The following FOCAD variants were observed in gnomAD, a reference collection of about 807,000 sequenced individuals.
The protein encoded by FOCAD is KIAA1797.
A neutral mutation model predicts 225.6 loss-of-function variants in FOCAD; 198 were observed. The ratio of observed to expected loss-of-function variants is 0.88; its 90% CI spans 0.78 to 0.99. FOCAD has a LOEUF of 0.99. Among genes scored for constraint, FOCAD ranks in the 50% least tolerant of loss-of-function variants. FOCAD has a pLI of 0.00. For missense variants in FOCAD, 2,713 were observed against 2,123.6 expected (o/e 1.28, Z -5.46); for synonymous variants, 897 against 755.0 (o/e 1.19, Z -3.08).
At chr9:20,797,087 T>G (rs1821199199) in intron 11 of FOCAD, among the ~76,000 whole-genome samples, 1 of 152,190 alleles carries the variant, frequency 6.6e-6, no homozygotes, top group African/African-American at 2.4e-5. Flanking sequence ...TTAACCCATT[T>G]CTTGTTTTTT....
chr9:20,788,731 G>A (rs1820206132), intron 10 of FOCAD, among the ~76,000 whole-genome samples: 1 of 152,134 alleles, frequency 6.6e-6, no homozygotes. Flanking sequence ...CGACTGCACT[G>A]CTTTATTTCT....
intron 11 of FOCAD, among the ~76,000 whole-genome samples, chr9:20,796,632 CAT>C (rs1821141051): frequency 6.6e-6 from 1 of 152,178 alleles, no homozygotes; most frequent in Admixed American, 6.5e-5. Flanking sequence ...AGTGTCTGTT[CAT>C]ATCCTTTGCC....
intron 35 of FOCAD, among the ~76,000 whole-genome samples, chr9:20,960,115 C>G (rs1773487100): frequency 6.6e-6 from 1 of 152,168 alleles, no homozygotes; most frequent in Non-Finnish European, 1.5e-5. Flanking sequence ...TTATTGGTCT[C>G]TTTGGTCTCC....
chr9:20,734,984 GAAA>G (rs1205364108), intron 4 of FOCAD, among the ~76,000 whole-genome samples: 1 of 152,120 alleles, frequency 6.6e-6, no homozygotes, highest in Non-Finnish European at 1.5e-5. Flanking sequence ...GAATTTATGG[GAAA>G]AGGGGTATAA....
intron 28 of FOCAD, among the ~76,000 whole-genome samples, chr9:20,935,131 A>G (rs577452989): frequency 6.6e-6 from 1 of 152,346 alleles, no homozygotes; most frequent in South Asian, 2.1e-4. Context: ...CTTAAAATTC[A>G]TATGGAGAAA....
intron 35 of FOCAD, among the ~76,000 whole-genome samples, chr9:20,956,055 G>A (rs145502289): frequency 0.011 from 1,636 of 152,276 alleles, 16 homozygotes; most frequent in Middle Eastern, 0.031. Flanking sequence ...CCACGTAATA[G>A]TCATTATGAA....
chr9:20,836,423 GA>G (rs1460405094), intron 15 of FOCAD, among the ~76,000 whole-genome samples: 2 of 152,028 alleles, frequency 1.3e-5, no homozygotes, highest in East Asian at 3.9e-4. Flanking sequence ...TAACCTTGCA[GA>G]AGAGTTTATT....
chr9:20,670,519 G>T (rs940313237), intron 2 of FOCAD, among the ~76,000 whole-genome samples: 7 of 152,136 alleles, frequency 4.6e-5, no homozygotes. Flanking sequence ...ATAGAGAAAG[G>T]GAGGGAGTGT....
At position 20,953,011 on chromosome 9, in the gene FOCAD, G is replaced by C; in HGVS notation, c.4078G>C (p.Glu1360Gln). 6.2e-7 allele frequency: 1 copy of C among 1,613,624 alleles called. No homozygotes were observed. Among genetic ancestry groups the C allele is most frequent in the East Asian group, 2.2e-5 (1 of 44,846 alleles). ...TCCTACTGACTATAGCTACTTGCCTGAAAGCAGTTTTATTGGAGCAGCTAT... is the reference window on the plus strand; with the variant it reads ...TCCTACTGACTATAGCTACTTGCCTCAAAGCAGTTTTATTGGAGCAGCTAT... Reference protein sequence around the residue: ...SVPTDYSYLPESSFIGAAIGF... With the variant: ...SVPTDYSYLPQSSFIGAAIGF... Residue 1360 changes from glutamate to glutamine, a missense_variant, in exon 35 of 44, where the codon GAA (glutamate) becomes CAA (glutamine). Transcript: ENST00000338382.
At chr9:20,848,408 T>C (rs967694320) in intron 15 of FOCAD, among the ~76,000 whole-genome samples, 3 of 152,030 alleles carry the variant, frequency 2.0e-5, no homozygotes, top group African/African-American at 7.2e-5. Context: ...GTAGTTTCTT[T>C]ATGGCCAGTT....
chr9:20,981,169 G>T lies in FOCAD; in HGVS notation c.4378-257G>T, dbSNP rs562884902. ...CTTGAAAACATCCAAGGTTTAAGCT[G>T]AGTAGTTCACAGATGGGTTGGCAGA... On this transcript the variant is annotated intron_variant, in intron 37 of 43. Coordinates refer to ENST00000338382, the MANE Select transcript of FOCAD (RefSeq NM_001375567.1). Among the ~76,000 whole-genome samples the T allele has an allele frequency of 5.9e-5, 9 of 152,288 alleles. No individual in the cohort carries two copies. In the South Asian group the frequency reaches 1.9e-3, roughly 32 times the overall value.
rs189485684 is a variant in FOCAD, at chr9:20,794,053, C to G, written c.1455+4445C>G. On this transcript the variant is annotated intron_variant, in intron 11 of 43. Coordinates refer to ENST00000338382, the MANE Select transcript of FOCAD (RefSeq NM_001375567.1). ...CAAAGGCCAGTCTTATTTGAGGAAA[C>G]ATTTATTTATGTCTCTTGAATTAAA... 9.2e-5 allele frequency among the ~76,000 whole-genome samples: 14 copies of G among 152,264 alleles called. No homozygotes were observed. The East Asian group carries it at 2.5e-3, about 27-fold the overall frequency.
rs147460126 is a variant in FOCAD, at chr9:20,719,447, A to G, written c.133-933A>G. ...CCGGGATATTAATTTTTCCCAAATT[A>G]TATATTTCCCTAATAAGTTGCATCA... is the stretch of plus-strand genomic sequence containing the variant. On this transcript the variant is annotated intron_variant, in intron 3 of 43. Transcript: ENST00000338382. 2.6e-3 allele frequency among the ~76,000 whole-genome samples: 396 copies of G among 152,122 alleles called. 1 individual carries two copies. The highest frequency in any genetic ancestry group is 4.1e-3 in the Non-Finnish European group (282 of 68,010).
At chr9:20,760,168 A>G (rs907541255) in intron 6 of FOCAD, among the ~76,000 whole-genome samples, 2 of 152,212 alleles carry the variant, frequency 1.3e-5, no homozygotes, top group Non-Finnish European at 1.5e-5. Context: ...CAGATCTTAC[A>G]GTATCATTCC....
chr9:20,718,219 G>A (rs1295755537), intron 3 of FOCAD, among the ~76,000 whole-genome samples: 2 of 152,216 alleles, frequency 1.3e-5, no homozygotes, highest in South Asian at 2.1e-4. Context: ...TGAAGAGAAT[G>A]AACAGAGTGG....
chr9:20,787,540 A>C (rs1196945073), intron 10 of FOCAD, among the ~76,000 whole-genome samples: 1 of 152,196 alleles, frequency 6.6e-6, no homozygotes, highest in Non-Finnish European at 1.5e-5. Context: ...TGGGAAGAAA[A>C]ATATTTTTAG....
chr9:20,969,534 T>C (rs141601022), intron 35 of FOCAD, among the ~76,000 whole-genome samples: 63 of 152,204 alleles, frequency 4.1e-4, no homozygotes, highest in African/African-American at 1.5e-3. Flanking sequence ...ATCAACAACA[T>C]ATAAAAATTC....
chr9:20,927,450 G>T (rs1262828298), intron 26 of FOCAD, among the ~76,000 whole-genome samples: 3 of 151,682 alleles, frequency 2.0e-5, no homozygotes, highest in Non-Finnish European at 4.4e-5. Flanking sequence ...AGATTGTGAA[G>T]ATCAAATAAT....
At chr9:20,847,551 AT>A in intron 15 of FOCAD, among the ~76,000 whole-genome samples, 1 of 150,778 alleles carries the variant, frequency 6.6e-6, no homozygotes, top group Non-Finnish European at 1.5e-5. Flanking sequence ...CACCAGCCAT[AT>A]ATTTAGTTGG....
Sources: gnomAD v4.1 joint callset for allele counts (sites outside exome capture counted in the v4.1 genomes callset) on GRCh38, gnomAD v4.1.1 for gene constraint, MANE v1.5 for transcripts, NCBI Gene and HGNC (gene_info 2026-07-23, HGNC 2026-07-21) for gene names.